The following SOX5 variants were observed in gnomAD, a reference collection of about 807,000 sequenced individuals.
SOX5 encodes the protein SRY-box transcription factor 5.
In SOX5, 9 loss-of-function variants were observed where a neutral mutation model predicts 92.0. That is an observed-to-expected ratio of 0.10 (90% CI 0.06 to 0.17). The LOEUF (loss-of-function observed/expected upper bound fraction) is 0.17, where lower values mean the gene tolerates loss of function less well. SOX5 is among the 10% of genes least tolerant of loss of function. The pLI, the probability that SOX5 is intolerant of heterozygous loss-of-function variation, is 1.00. For synonymous variants in SOX5, 344 were observed against 336.3 expected, an observed-to-expected ratio of 1.02 and a Z score of -0.25; for missense variants, 642 against 944.5, an observed-to-expected ratio of 0.68 and a Z score of 4.20.
intron 1 of SOX5, among the ~76,000 whole-genome samples, chr12:23,927,668 T>A (rs1332696460): frequency 6.6e-6 from 1 of 150,864 alleles, no homozygotes; most frequent in African/African-American, 2.5e-5. Flanking sequence ...ATAACATCAT[T>A]TTTTTTTTCT....
chr12:23,733,512 G>C (rs17473932), intron 6 of SOX5, among the ~76,000 whole-genome samples: 5,896 of 152,104 alleles, frequency 0.039, 212 homozygotes, highest in Non-Finnish European at 0.051. Context: ...TCCTCGGCTG[G>C]AACATCTCAC....
chr12:23,940,811 T>C (rs918910781), intron 1 of SOX5, among the ~76,000 whole-genome samples: 1 of 149,608 alleles, frequency 6.7e-6, no homozygotes, highest in African/African-American at 2.5e-5. Context: ...AGGTATGCTT[T>C]AGACCCTGAA....
intron 3 of SOX5, among the ~76,000 whole-genome samples, chr12:23,779,954 A>AGTGTGT (rs1255750782): frequency 1.7e-4 from 7 of 41,108 alleles, no homozygotes; most frequent in African/African-American, 5.0e-4. Context: ...ACACAGCGAG[A>AGTGTGT]CTGTGTGTGT....
At chr12:23,897,548 C>G (rs1450833040) in intron 1 of SOX5, among the ~76,000 whole-genome samples, 1 of 151,990 alleles carries the variant, frequency 6.6e-6, no homozygotes, top group Non-Finnish European at 1.5e-5. Context: ...TTATTTAACA[C>G]AGAATACACA....
chr12:23,833,483 T>C (rs935435220), intron 3 of SOX5, among the ~76,000 whole-genome samples: 14 of 152,018 alleles, frequency 9.2e-5, no homozygotes, highest in African/African-American at 2.4e-5. Context: ...CTTCTCACTT[T>C]ACCTATAGCA....
intron 10 of SOX5, among the ~76,000 whole-genome samples, chr12:23,570,692 C>T (rs185435075): frequency 9.2e-4 from 139 of 151,434 alleles, no homozygotes; most frequent in African/African-American, 3.1e-3. Flanking sequence ...AGGCGGATCA[C>T]GAGGTCAGGA....
intron 6 of SOX5, among the ~76,000 whole-genome samples, chr12:23,693,098 C>T (rs538640221): frequency 2.2e-5 from 2 of 91,324 alleles, no homozygotes; most frequent in Non-Finnish European, 4.4e-5. Flanking sequence ...CAATAGCATA[C>T]AGTTGTATTT....
At position 23,678,690 on chromosome 12, in the gene SOX5, A is replaced by T. The variant is rs575435267; in HGVS notation, c.811-13126T>A. ...ATTCTATCTTTACTCTTTGAAACTC[A>T]CAAAAACCCTATAAGATAAATATTT... On this transcript the variant is annotated intron_variant, in intron 6 of 14. Transcript: ENST00000451604. Among the ~76,000 whole-genome samples the T allele has an allele frequency of 6.0e-4, 91 of 152,140 alleles. 3 individuals are homozygous for T. In the South Asian group the frequency reaches 0.018, roughly 31 times the overall value.
At chr12:24,487,968 C>T (rs953141242) in intron 1 of SOX5, among the ~76,000 whole-genome samples, 1 of 152,068 alleles carries the variant, frequency 6.6e-6, no homozygotes, top group Non-Finnish European at 1.5e-5. Context: ...ATCTCTCTTC[C>T]GTAGCAGGAT....
chr12:23,666,354 T>C (rs1367607541), intron 6 of SOX5, among the ~76,000 whole-genome samples: 1 of 152,166 alleles, frequency 6.6e-6, no homozygotes, highest in Non-Finnish European at 1.5e-5. Flanking sequence ...TCTCAGAGTA[T>C]GGGGTTCACA....
intron 2 of SOX5, among the ~76,000 whole-genome samples, chr12:23,872,164 ATTTTTTTTTTTTTTTT>A (rs71059938): frequency 3.2e-5 from 2 of 61,632 alleles, no homozygotes; most frequent in East Asian, 4.6e-4. Context: ...CGCCCGGCTA[ATTTTTTTTTTTTTTTT>A]TTTTTTTTTT....
rs71059994 is a variant in SOX5 at position 24,251,950 on chromosome 12, TAA to T, written c.-77+25264_-77+25265del. On this transcript the variant is annotated intron_variant, in intron 3 of 4. Coordinates refer to the SOX5 transcript ENST00000446891. ...ACCTCAGCATCACAAACCCAGTTATTAAAAAAAAAAAAAATTCCTGCTAAAAA... is the reference window on the plus strand; with the variant it reads ...ACCTCAGCATCACAAACCCAGTTATTAAAAAAAAAAAATTCCTGCTAAAAA... Among the ~76,000 whole-genome samples the T allele has an allele frequency of 2.6e-3, 384 of 148,460 alleles. 1 individual carries two copies. Among genetic ancestry groups the T allele is most frequent in the African/African-American group, 7.0e-3 (285 of 40,450 alleles).
chr12:23,997,817 T>G (rs568396540), intron 4 of SOX5, among the ~76,000 whole-genome samples: 26 of 152,136 alleles, frequency 1.7e-4, no homozygotes, highest in Admixed American at 3.3e-4. Flanking sequence ...AGGAAAAGGT[T>G]AAACAAAATT....
At chr12:24,178,917 A>G (rs55915219) in intron 4 of SOX5, among the ~76,000 whole-genome samples, 10,024 of 152,294 alleles carry the variant, frequency 0.066, 464 homozygotes, top group Admixed American at 0.13. Context: ...GACAAGTTCC[A>G]GATAGATAGA....
At chr12:24,007,165 T>A (rs1209803907) in intron 4 of SOX5, among the ~76,000 whole-genome samples, 758 of 18,438 alleles carry the variant, frequency 0.041, 116 homozygotes, top group South Asian at 0.11. Context: ...ATATATACAT[T>A]TATATATGTA....
chr12:24,442,256 T>A (rs954624933), intron 1 of SOX5, among the ~76,000 whole-genome samples: 4 of 152,230 alleles, frequency 2.6e-5, no homozygotes, highest in Non-Finnish European at 4.4e-5. Context: ...TAGGTCAGTT[T>A]CCATGTAGAT....
chr12:23,688,571 A>T (rs560523860), intron 6 of SOX5, among the ~76,000 whole-genome samples: 1 of 152,072 alleles, frequency 6.6e-6, no homozygotes, highest in Admixed American at 6.6e-5. Context: ...GTGGTTTCCT[A>T]TGCCTCACTT....
chr12:23,743,780 G>A lies in SOX5; in HGVS notation c.569-2741C>T, dbSNP rs555355835. Among the ~76,000 whole-genome samples, 9 of 152,200 alleles carry A rather than the reference G, an allele frequency of 5.9e-5. No homozygotes were observed. The East Asian group carries it at 9.7e-4, about 16-fold the overall frequency. Reference sequence around the variant, plus strand: ...TCTGCATAGGTGGGTTTCACATTCCGTGAATACTGTATTTTGGATCTGTGT... The same window carrying A: ...TCTGCATAGGTGGGTTTCACATTCCATGAATACTGTATTTTGGATCTGTGT... On this transcript the variant is annotated intron_variant, in intron 4 of 14. Coordinates refer to ENST00000451604, the MANE Select transcript of SOX5 (RefSeq NM_006940.6).
intron 4 of SOX5, among the ~76,000 whole-genome samples, chr12:24,063,276 A>G (rs1305005576): frequency 6.6e-6 from 1 of 152,202 alleles, no homozygotes; most frequent in Non-Finnish European, 1.5e-5. Context: ...TCATAATTTT[A>G]TAACTAGTGG....
Sources: gnomAD v4.1 joint callset for allele counts (sites outside exome capture counted in the v4.1 genomes callset) on GRCh38, gnomAD v4.1.1 for gene constraint, MANE v1.5 for transcripts, NCBI Gene and HGNC (gene_info 2026-07-23, HGNC 2026-07-21) for gene names.